TUBB8B: variants seen among roughly 807,000 people sequenced by gnomAD.
TUBB8B encodes HSA18p11 beta-tubulin 4Q pseudogene.
Under a neutral mutation model 31.9 loss-of-function variants are expected in TUBB8B, and 26 were observed. The observed-to-expected ratio is 0.81, with a 90% CI of 0.60 to 1.13. The LOEUF (loss-of-function observed/expected upper bound fraction) is 1.13. TUBB8B is among the 50% of genes most tolerant of loss of function. The probability of loss-of-function intolerance (pLI) is 0.00; values close to 1 mark genes in which losing one functional copy is unlikely to be tolerated. For synonymous variants in TUBB8B, 173 were observed against 231.0 expected, an observed-to-expected ratio of 0.75 and a Z score of 2.28; for missense variants, 467 against 586.7, an observed-to-expected ratio of 0.80 and a Z score of 2.11.
the TUBB8B span, among the ~76,000 whole-genome samples, chr18:65,708 T>A: frequency 1.3e-5 from 2 of 151,796 alleles, no homozygotes; most frequent in Non-Finnish European, 2.9e-5. Context: ...CCACAACAAA[T>A]AGGAGAGAAA....
chr18:63,262 G>C, the TUBB8B span, among the ~76,000 whole-genome samples: 5 of 151,780 alleles, frequency 3.3e-5, no homozygotes, highest in African/African-American at 9.7e-5. Context: ...GCTTCTTTGT[G>C]CCCATTATTT....
chr18:68,772 A>G, the TUBB8B span, among the ~76,000 whole-genome samples: 1 of 152,116 alleles, frequency 6.6e-6, no homozygotes, highest in East Asian at 1.9e-4. Context: ...CATGACCTCC[A>G]CACACTGTGT....
At chr18:55,380 T>C in the TUBB8B span, among the ~76,000 whole-genome samples, 2 of 151,934 alleles carry the variant, frequency 1.3e-5, no homozygotes, top group African/African-American at 4.8e-5. Flanking sequence ...ATTACAGGCA[T>C]GTGCCACTGT....
the TUBB8B span, among the ~76,000 whole-genome samples, chr18:72,196 A>AAAAAAAAAACAAC: frequency 4.7e-5 from 4 of 84,538 alleles, no homozygotes; most frequent in African/African-American, 1.2e-4. Flanking sequence ...AAAAAAAAAA[A>AAAAAAAAAACAAC]AAAGGAAAAA....
rs769159732 is a variant in TUBB8B, at chr18:47,586, C to T, written c.1139G>A (p.Cys380Tyr). ...NNAAIQELFT[C>Y]VSEQFTAMFR... is the part of the protein sequence containing the mutation. ...CATTGCTGTAAACTGCTCTGAGACA[C>T]ATGTGAAGAGTTCCTGGATGGCCGC... The change falls in exon 4 of 4, where the codon TGT (cysteine) becomes TAT (tyrosine). Residue 380 changes from cysteine to tyrosine, a missense_variant. Cys to Tyr is a radical substitution (Grantham distance 194). Coordinates refer to ENST00000308911, the MANE Select transcript of TUBB8B (RefSeq NM_001358689.2). The T allele has an allele frequency of 6.3e-7, 1 of 1,580,388 alleles. No homozygotes were observed. The highest frequency in any genetic ancestry group is 2.2e-5 in the East Asian group (1 of 44,760).
chr18:71,030 T>G, the TUBB8B span, among the ~76,000 whole-genome samples: 4 of 151,824 alleles, frequency 2.6e-5, no homozygotes, highest in Non-Finnish European at 2.9e-5. Flanking sequence ...TAAGAATCAC[T>G]TGAGCCCAGG....
the TUBB8B span, among the ~76,000 whole-genome samples, chr18:63,413 T>A: frequency 6.6e-6 from 1 of 151,640 alleles, no homozygotes; most frequent in East Asian, 1.9e-4. Context: ...GAGATTCTAG[T>A]TCTCTTCCCT....
chr18:60,591 A>T, the TUBB8B span, among the ~76,000 whole-genome samples: 1 of 151,774 alleles, frequency 6.6e-6, no homozygotes, highest in Non-Finnish European at 1.5e-5. Context: ...ATAGGCACTT[A>T]CAGTTATAAA....
the TUBB8B span, among the ~76,000 whole-genome samples, chr18:73,092 C>T: frequency 6.6e-6 from 1 of 152,228 alleles, no homozygotes; most frequent in Non-Finnish European, 1.5e-5. Context: ...GTTCCTCCCC[C>T]TCTCCCGGTA....
intron 3 of TUBB8B, 101 bp downstream of exon 3, chr18:48,839 G>A (rs1905881909): frequency 2.3e-6 from 2 of 877,580 alleles, no homozygotes; most frequent in Non-Finnish European, 1.9e-6. Flanking sequence ...GGGTGTTCAG[G>A]GGCCCTGGCG....
chr18:63,498 C>A, the TUBB8B span, among the ~76,000 whole-genome samples: 2 of 151,820 alleles, frequency 1.3e-5, no homozygotes, highest in East Asian at 1.9e-4. Context: ...ATATAAGCAT[C>A]CCTGAGGCCA....
At chr18:55,226 G>A in the TUBB8B span, among the ~76,000 whole-genome samples, 1 of 151,682 alleles carries the variant, frequency 6.6e-6, no homozygotes, top group East Asian at 1.9e-4. Flanking sequence ...TCAGCCTCTT[G>A]AGTAGCCGGG....
At chr18:73,336 C>T in the TUBB8B span, 1 of 166,180 alleles carries the variant, frequency 6.0e-6, no homozygotes, top group African/African-American at 2.4e-5. Flanking sequence ...CCCCAGGTGT[C>T]CCGGAGCTGC....
upstream of TUBB8B, chr18:50,144 T>C: frequency 3.0e-6 from 1 of 335,682 alleles, no homozygotes; most frequent in Non-Finnish European, 5.8e-6. Flanking sequence ...CCCTTTCACC[T>C]TTCCAGAGGA....
At chr18:57,958 G>T in the TUBB8B span, among the ~76,000 whole-genome samples, 1 of 151,846 alleles carries the variant, frequency 6.6e-6, no homozygotes, top group South Asian at 2.1e-4. Flanking sequence ...GCCAATTTGT[G>T]CTACACCTGG....
chr18:58,739 T>A, the TUBB8B span, among the ~76,000 whole-genome samples: 2 of 151,786 alleles, frequency 1.3e-5, no homozygotes, highest in African/African-American at 4.8e-5. Flanking sequence ...ATATAACAAT[T>A]TTCCACTCCT....
Position 49,146 on chromosome 18 carries a change from T to C in TUBB8B, c.149A>G (p.His50Arg). 1 of 1,510,094 alleles carries C rather than the reference T, an allele frequency of 6.6e-7. No homozygotes were observed. The allele number at this position is 1,510,094 out of a possible 1,614,324, so 93.5% of individuals were successfully genotyped here. A position where few individuals can be genotyped will look rare whatever the true frequency, so the allele number is the denominator to read the frequency against. Residue 50 changes from histidine (H) to arginine (R), a missense_variant, in exon 2 of 4, where the codon CAC becomes CGC. His to Arg is a conservative substitution (Grantham distance 29). Around this residue, in one of 2 missense-constraint regions of TUBB8B, gnomAD observed 259 missense variants for 380.1 expected, o/e 0.68. Transcript: ENST00000308911. The stretch of plus-strand genomic sequence containing the variant: ...GGTCGCACCGCTGGCCTCGTGGTGG[T>C]GCACGTTGATGCGCTCCAGCTGCAG... Reference protein sequence around the residue: ...SHLQLERINVHHHEASGGRYV... With the variant: ...SHLQLERINVRHHEASGGRYV...
At chr18:54,930 C>A in the TUBB8B span, among the ~76,000 whole-genome samples, 5 of 151,458 alleles carry the variant, frequency 3.3e-5, no homozygotes, top group Non-Finnish European at 7.4e-5. Flanking sequence ...ATGTGGAGCA[C>A]CTTTTCACTT....
chr18:47,621 A>C lies in TUBB8B; in HGVS notation c.1104T>G (p.Ile368Met). 1 of 1,612,578 alleles carries C rather than the reference A, an allele frequency of 6.2e-7. No individual in the cohort carries two copies. The highest frequency in any genetic ancestry group is 8.5e-7 in the Non-Finnish European group (1 of 1,179,272). The change falls in exon 4 of 4, where the codon ATT (isoleucine) becomes ATG (methionine). Residue 368 changes from isoleucine to methionine, a missense_variant. This residue lies in a region of TUBB8B where 208 missense variants were observed against 206.7 expected (regional missense o/e 1.01). Coordinates refer to ENST00000308911, the MANE Select transcript of TUBB8B (RefSeq NM_001358689.2). Reference sequence around the variant, plus strand: ...GTTCCTGGATGGCCGCATTATTCCCAATGAAGGTGGCTGACATTTTTAGCC... The same window carrying C: ...GTTCCTGGATGGCCGCATTATTCCCCATGAAGGTGGCTGACATTTTTAGCC... ...PRGLKMSATF[I>M]GNNAAIQELF...
Sources: gnomAD v4.1 joint callset for allele counts (sites outside exome capture counted in the v4.1 genomes callset) on GRCh38, gnomAD v4.1.1 for gene constraint, gnomAD v4.1.1 regional missense constraint, MANE v1.5 for transcripts, NCBI Gene and HGNC (gene_info 2026-07-23, HGNC 2026-07-21) for gene names.